Variants in ITGA8 observed in about 807,000 individuals in gnomAD.
The protein encoded by ITGA8 is integrin subunit alpha 8, also known as integrin alpha-8.
In ITGA8, 91 loss-of-function variants were observed where a neutral mutation model predicts 142.3. That is an observed-to-expected ratio of 0.64 (90% CI 0.54 to 0.76). The LOEUF (loss-of-function observed/expected upper bound fraction) is 0.76, where lower values mean the gene tolerates loss of function less well. Ranked by LOEUF, ITGA8 falls within the 30% of genes least tolerant of loss-of-function variation. The probability of loss-of-function intolerance (pLI) is 0.00; values close to 1 mark genes in which losing one functional copy is unlikely to be tolerated. For missense variants in ITGA8, 1,406 were observed against 1,327.7 expected, an observed-to-expected ratio of 1.06 and a Z score of -0.92; for synonymous variants, 505 against 485.2, an observed-to-expected ratio of 1.04 and a Z score of -0.54.
intron 27 of ITGA8, among the ~76,000 whole-genome samples, chr10:15,535,852 T>C (rs1833422531): frequency 6.6e-6 from 1 of 152,080 alleles, no homozygotes; most frequent in Non-Finnish European, 1.5e-5. Context: ...TTGCTGCTGC[T>C]CCCTCTTTGG....
intron 28 of ITGA8, among the ~76,000 whole-genome samples, chr10:15,524,053 CAG>C (rs1405410243): frequency 1.3e-5 from 2 of 152,342 alleles, no homozygotes; most frequent in African/African-American, 2.4e-5. Context: ...AAAGAATACA[CAG>C]AGTCTTAAAA....
chr10:15,597,340 A>G (rs2131601345), intron 20 of ITGA8, 41 bp from the exon 21 acceptor site: 1 of 1,516,032 alleles, frequency 6.6e-7, no homozygotes, highest in Non-Finnish European at 9.2e-7. Flanking sequence ...GGCAGGATAA[A>G]TGACATCCTG....
At chr10:15,581,125 G>C (rs1834399672) in intron 23 of ITGA8, among the ~76,000 whole-genome samples, 1 of 152,154 alleles carries the variant, frequency 6.6e-6, no homozygotes, top group Non-Finnish European at 1.5e-5. Flanking sequence ...TTAGAGTAGG[G>C]GTTGTTAATA....
At chr10:15,652,981 T>C (rs1489389555) in intron 11 of ITGA8, among the ~76,000 whole-genome samples, 1 of 152,256 alleles carries the variant, frequency 6.6e-6, no homozygotes, top group Non-Finnish European at 1.5e-5. Context: ...TTCTTGGAAA[T>C]GGACTTGTTC....
At chr10:15,596,124 A>C (rs975506482) in intron 21 of ITGA8, among the ~76,000 whole-genome samples, 1 of 152,262 alleles carries the variant, frequency 6.6e-6, no homozygotes, top group African/African-American at 2.4e-5. Flanking sequence ...TCCAGATAAA[A>C]GGACTATGAT....
chr10:15,718,629 G>A (rs1461623517), intron 2 of ITGA8, 137 bp downstream of exon 2: 3 of 1,064,342 alleles, frequency 2.8e-6, no homozygotes, highest in Non-Finnish European at 4.1e-6. Flanking sequence ...TTTCTCTAGA[G>A]ACCCACATAG....
intron 1 of ITGA8, among the ~76,000 whole-genome samples, chr10:15,719,206 G>T (rs549658223): frequency 6.6e-6 from 1 of 152,200 alleles, no homozygotes; most frequent in African/African-American, 2.4e-5. Flanking sequence ...CAGCTCTTGC[G>T]CCCAGACGCA....
intron 27 of ITGA8, among the ~76,000 whole-genome samples, chr10:15,537,321 C>T (rs772659445): frequency 3.3e-5 from 5 of 152,148 alleles, no homozygotes; most frequent in East Asian, 3.9e-4. Flanking sequence ...GGATTTGGCA[C>T]CTGACACTGA....
chr10:15,565,651 G>A (rs117186082), intron 25 of ITGA8, among the ~76,000 whole-genome samples: 4,932 of 122,410 alleles, frequency 0.04, 154 homozygotes, highest in East Asian at 0.2. Flanking sequence ...GTGTAGTGAC[G>A]TGATCTCAGC....
chr10:15,577,425 A>G (rs868104949), intron 23 of ITGA8, among the ~76,000 whole-genome samples: 20 of 152,104 alleles, frequency 1.3e-4, no homozygotes, highest in African/African-American at 4.6e-4. Flanking sequence ...CATCTACTCT[A>G]TTTCTAATAT....
At position 15,625,141 on chromosome 10, in the gene ITGA8, A is replaced by T. The variant is rs150805525; in HGVS notation, c.1400-8582T>A. 6.1e-3 allele frequency among the ~76,000 whole-genome samples: 935 copies of T among 152,326 alleles called. 10 individuals carry two copies. Among genetic ancestry groups the T allele is most frequent in the African/African-American group, 0.021 (888 of 41,574 alleles). ...TAATAATCCTAACAATCTGTCTGAA[A>T]TGCTTCCAAATGAACTCTGAAGAAA... On this transcript the variant is annotated intron_variant, in intron 13 of 29. Coordinates refer to ENST00000378076, the MANE Select transcript of ITGA8 (RefSeq NM_003638.3).
rs34463146 is a variant in ITGA8, at chr10:15,575,940, CGTGTGTGTGTGT to C, written c.2373-358_2373-347del. 4.0e-5 allele frequency among the ~76,000 whole-genome samples: 6 copies of C among 148,838 alleles called. No individual in the cohort carries two copies. The South Asian group carries it at 8.5e-4, about 21-fold the overall frequency. ...CATCCATCTATTTCACATGTGAGAA[CGTGTGTGTGTGT>C]GTGTGTGTGTGAGTGTGTGTGTGTG... is the stretch of plus-strand genomic sequence containing the variant. On this transcript the variant is annotated intron_variant, in intron 23 of 29. Transcript: ENST00000378076.
chr10:15,526,548 C>T (rs899566299), intron 28 of ITGA8, among the ~76,000 whole-genome samples: 2 of 152,134 alleles, frequency 1.3e-5, no homozygotes, highest in African/African-American at 4.8e-5. Context: ...TAGAGGTTTA[C>T]TTTCGGCACA....
At chr10:15,605,471 C>CA (rs1564371051) in intron 19 of ITGA8, among the ~76,000 whole-genome samples, 1 of 126,732 alleles carries the variant, frequency 7.9e-6, no homozygotes, top group African/African-American at 2.7e-5. Flanking sequence ...TTACTTTCAA[C>CA]AAAAACATTT....
rs1833497106 is a variant in ITGA8, at chr10:15,538,475, G to T, written c.2881-7324C>A. ...TGCAGTGAGCTGAGATCATGCCACT[G>T]TACTCCAGCCTGGGCGGCTGAGTGA... On this transcript the variant is annotated intron_variant, in intron 27 of 29. Transcript: ENST00000378076. 2.2e-5 allele frequency among the ~76,000 whole-genome samples: 3 copies of T among 137,900 alleles called. No individual in the cohort carries two copies. In the South Asian group the frequency reaches 7.2e-4, roughly 33 times the overall value. The allele number at this position is 137,900 out of a possible 152,430, so 90.5% of individuals were successfully genotyped here.
chr10:15,705,165 C>T (rs1835234894), intron 2 of ITGA8, among the ~76,000 whole-genome samples: 1 of 152,080 alleles, frequency 6.6e-6, no homozygotes, highest in Non-Finnish European at 1.5e-5. Flanking sequence ...CAGGTAGGGC[C>T]ATGCTATAGG....
At chr10:15,682,561 G>A (rs1039515084) in intron 4 of ITGA8, among the ~76,000 whole-genome samples, 2 of 152,076 alleles carry the variant, frequency 1.3e-5, no homozygotes, top group Non-Finnish European at 2.9e-5. Flanking sequence ...AAGCCATCAG[G>A]TTAAATGTTC....
intron 20 of ITGA8, among the ~76,000 whole-genome samples, chr10:15,598,399 T>C (rs969627071): frequency 1.3e-5 from 2 of 152,222 alleles, no homozygotes; most frequent in East Asian, 1.9e-4. Context: ...GAGAATAATA[T>C]AAAATTTCAG....
intron 27 of ITGA8, among the ~76,000 whole-genome samples, chr10:15,545,710 G>A (rs1833656171): frequency 6.6e-6 from 1 of 151,482 alleles, no homozygotes. Flanking sequence ...TTTTATAAAT[G>A]GAATCATAAT....
Sources: gnomAD v4.1 joint callset for allele counts (sites outside exome capture counted in the v4.1 genomes callset) on GRCh38, gnomAD v4.1.1 for gene constraint, MANE v1.5 for transcripts, NCBI Gene and HGNC (gene_info 2026-07-23, HGNC 2026-07-21) for gene names.